The following DUSP3 variants were observed in gnomAD, a reference collection of about 807,000 sequenced individuals.
DUSP3 encodes dual specificity protein phosphatase 3.
Under a neutral mutation model 15.5 loss-of-function variants are expected in DUSP3, and 7 were observed. The observed-to-expected ratio is 0.45, with a 90% CI of 0.26 to 0.85. The LOEUF is 0.85. Ranked by LOEUF, DUSP3 falls within the 40% of genes least tolerant of loss-of-function variation. The probability of loss-of-function intolerance (pLI) is 0.18; values close to 1 mark genes in which losing one functional copy is unlikely to be tolerated. For missense variants in DUSP3, 209 were observed against 251.7 expected, an observed-to-expected ratio of 0.83 and a Z score of 1.15; for synonymous variants, 86 against 104.2, an observed-to-expected ratio of 0.83 and a Z score of 1.07.
chr17:43,773,294 G>C (rs964175564), intron 2 of DUSP3, among the ~76,000 whole-genome samples: 3 of 152,204 alleles, frequency 2.0e-5, no homozygotes, highest in African/African-American at 7.2e-5. Flanking sequence ...GGTCCCCTCC[G>C]CTGGGAGGGT....
chr17:43,773,134 T>C (rs1223064248), intron 2 of DUSP3, among the ~76,000 whole-genome samples: 1 of 152,196 alleles, frequency 6.6e-6, no homozygotes, highest in Non-Finnish European at 1.5e-5. Context: ...AGTCTGCAGA[T>C]ACTCCACAGT....
intron 1 of DUSP3, among the ~76,000 whole-genome samples, 191 bp from the exon 2 acceptor site, chr17:43,775,129 C>A (rs990481664): frequency 6.6e-6 from 1 of 152,224 alleles, no homozygotes; most frequent in African/African-American, 2.4e-5. Context: ...AGCAGCTTCC[C>A]CAAATAGACT....
At position 43,769,535 on chromosome 17, in the gene DUSP3, A is replaced by T; in HGVS notation, c.*74T>A. 2 of 1,559,630 alleles carry T rather than the reference A, an allele frequency of 1.3e-6. No homozygotes were observed. The highest frequency in any genetic ancestry group is 1.8e-6 in the Non-Finnish European group (2 of 1,140,628). ...GGGAGCAGGGTACAGTGTGTTTCCTAAACATGGCAGCTCGGGACACCTTTG... is the reference window on the plus strand; with the variant it reads ...GGGAGCAGGGTACAGTGTGTTTCCTTAACATGGCAGCTCGGGACACCTTTG... On this transcript the variant is annotated 3_prime_UTR_variant, in exon 3 of 3. Transcript: ENST00000226004.
chr17:43,773,201 T>A (rs1974340230), intron 2 of DUSP3, among the ~76,000 whole-genome samples: 1 of 152,226 alleles, frequency 6.6e-6, no homozygotes, highest in Non-Finnish European at 1.5e-5. Context: ...AAATTCTGTT[T>A]ACTGGAAATC....
Position 43,768,755 on chromosome 17 carries a change from G to A in DUSP3, c.*854C>T, listed in dbSNP as rs1260669273. On this transcript the variant is annotated 3_prime_UTR_variant, in exon 3 of 3. Transcript: ENST00000226004. Reference sequence around the variant, plus strand: ...ACAAAACCCTTGTAATTCTCCAAATGGTGGGGTTTTTAAATAGGTTGGACT... The same window carrying A: ...ACAAAACCCTTGTAATTCTCCAAATAGTGGGGTTTTTAAATAGGTTGGACT... 3.3e-5 allele frequency: 5 copies of A among 151,984 alleles called. No individual in the cohort carries two copies. In the East Asian group the frequency reaches 9.7e-4, roughly 29 times the overall value. 9.4% of individuals were successfully genotyped at this position (151,984 alleles called of 1,614,324 possible). A position where few individuals can be genotyped will look rare whatever the true frequency, so the allele number is the denominator to read the frequency against.
rs1239504171 is a variant in DUSP3, at chr17:43,769,226, G to A, written c.*383C>T. 1 of 238,372 alleles carries A rather than the reference G, an allele frequency of 4.2e-6. No individual in the cohort carries two copies. Among genetic ancestry groups the A allele is most frequent in the Non-Finnish European group, 8.2e-6 (1 of 122,028 alleles). The allele number at this position is 238,372 out of a possible 1,614,324, so 14.8% of individuals were successfully genotyped here. On this transcript the variant is annotated 3_prime_UTR_variant, in exon 3 of 3. Coordinates refer to ENST00000226004, the MANE Select transcript of DUSP3 (RefSeq NM_004090.4). ...GGTGTTGAGGTCCACACTCAAGAGA[G>A]GATTCGGGAGTTGGGGAAGGGAGGT...
At chr17:43,770,314 T>G (rs915852132) in intron 2 of DUSP3, among the ~76,000 whole-genome samples, 1 of 152,048 alleles carries the variant, frequency 6.6e-6, no homozygotes, top group South Asian at 2.1e-4. Context: ...ACATATGAGG[T>G]GGATGAGCCC....
chr17:43,778,941 T>A lies in DUSP3; in HGVS notation c.-17A>T. ...GCCCGACATGGCGGCGGCGGGGCCC[T>A]GCACGCCCGGCAGGAGCAAGCGAGG... is the stretch of plus-strand genomic sequence containing the variant. On this transcript the variant is annotated 5_prime_UTR_variant, in exon 1 of 3. Coordinates refer to ENST00000226004, the MANE Select transcript of DUSP3 (RefSeq NM_004090.4). The A allele has an allele frequency of 7.0e-7, 1 of 1,427,304 alleles. No homozygotes were observed. Among genetic ancestry groups the A allele is most frequent in the South Asian group, 1.4e-5 (1 of 71,306 alleles). 88.4% of individuals were successfully genotyped at this position (1,427,304 alleles called of 1,614,324 possible).
In DUSP3 at chr17:43,769,420, T is replaced by A. The variant is rs913168480; in HGVS notation, c.*189A>T. On this transcript the variant is annotated 3_prime_UTR_variant, in exon 3 of 3. Coordinates refer to ENST00000226004, the MANE Select transcript of DUSP3 (RefSeq NM_004090.4). ...CAACTGGGGAGCAAGGACGCCCCCC[T>A]TGGCAAGCTTCTTTATGTGCTCCCC... 1 of 613,386 alleles carries A rather than the reference T, an allele frequency of 1.6e-6. No homozygotes were observed. The highest frequency in any genetic ancestry group is 1.9e-5 in the African/African-American group (1 of 53,266). The allele number at this position is 613,386 out of a possible 1,614,324, so 38.0% of individuals were successfully genotyped here. A position where few individuals can be genotyped will look rare whatever the true frequency, so the allele number is the denominator to read the frequency against.
chr17:43,770,675 C>T (rs1292064293), intron 2 of DUSP3, among the ~76,000 whole-genome samples: 2 of 151,218 alleles, frequency 1.3e-5, no homozygotes, highest in Non-Finnish European at 2.9e-5. Context: ...AAAAAAGAAG[C>T]CCGCGTGGCA....
intron 1 of DUSP3, among the ~76,000 whole-genome samples, chr17:43,776,845 A>C (rs991941122): frequency 6.6e-6 from 1 of 152,188 alleles, no homozygotes; most frequent in Non-Finnish European, 1.5e-5. Context: ...GAGCTTTCCA[A>C]TTCCTGAAGC....
chr17:43,774,026 C>T (rs991539445), intron 2 of DUSP3: 14 of 200,942 alleles, frequency 7.0e-5, no homozygotes, highest in South Asian at 2.3e-4. Flanking sequence ...GCAGGAGAAT[C>T]GCTTGAACCT....
chr17:43,770,395 C>T (rs112333030), intron 2 of DUSP3, among the ~76,000 whole-genome samples: 7,643 of 152,234 alleles, frequency 0.05, 626 homozygotes, highest in African/African-American at 0.17. Flanking sequence ...CAGTGGCTCA[C>T]GCCTGTAATC....
At chr17:43,772,600 T>C (rs1283562225) in intron 2 of DUSP3, among the ~76,000 whole-genome samples, 1 of 152,192 alleles carries the variant, frequency 6.6e-6, no homozygotes, top group African/African-American at 2.4e-5. Flanking sequence ...CCAGCATGTT[T>C]CTGTTGACTC....
intron 1 of DUSP3, chr17:43,777,441 C>A: frequency 2.2e-6 from 1 of 452,330 alleles, no homozygotes; most frequent in Non-Finnish European, 4.4e-6. Flanking sequence ...CCTGATGGAC[C>A]CCTTCTAGTT....
In DUSP3 at chr17:43,778,862, G is replaced by A. The variant is rs1322095013; in HGVS notation, c.63C>T (p.Gly21=). Residue 21 remains glycine (G), a synonymous_variant, in exon 1 of 3, where the codon GGC becomes GGT. Transcript: ENST00000226004. ...AGGGCTGGCTCGGGAGGCTGTAGCA[G>A]CCGCTGCCGTCCGAGAGCAGGTCGT... The part of the protein sequence containing the change: ...DLNDLLSDGS[G]CYSLPSQPCN... The A allele has an allele frequency of 1.3e-6, 2 of 1,522,794 alleles. No individual in the cohort carries two copies. The highest frequency in any genetic ancestry group is 1.8e-6 in the Non-Finnish European group (2 of 1,136,466). The allele number at this position is 1,522,794 out of a possible 1,614,324, so 94.3% of individuals were successfully genotyped here. A position where few individuals can be genotyped will look rare whatever the true frequency, so the allele number is the denominator to read the frequency against.
In DUSP3 at chr17:43,769,808, AC is replaced by A; in HGVS notation, c.358del (p.Val120CysfsTer15). 6.2e-7 allele frequency: 1 copy of A among 1,614,026 alleles called. No homozygotes were observed. Among genetic ancestry groups the A allele is most frequent in the Non-Finnish European group, 8.5e-7 (1 of 1,179,994 alleles). On this transcript the variant is annotated frameshift_variant, in exon 3 of 3. Transcript: ENST00000226004. LOFTEE classifies it high-confidence loss of function. ...DQALAQKNGR[V>X]LVHCREGYSR... ...ATAACCTTCCCGGCAGTGGACGAGC[AC>A]CCGGCCTGTAAGAAACAGGGGAGAC...
rs1974273514 is a variant in DUSP3 at position 43,768,803 on chromosome 17, AG to A, written c.*805del. ...ACTTCAACTCCCTGTTTTCTAAAAAAGAAAAAAAAAAAAGCATGCCCAAGGC... is the reference window on the plus strand; with the variant it reads ...ACTTCAACTCCCTGTTTTCTAAAAAAAAAAAAAAAAAAGCATGCCCAAGGC... On this transcript the variant is annotated 3_prime_UTR_variant, in exon 3 of 3. Coordinates refer to ENST00000226004, the MANE Select transcript of DUSP3 (RefSeq NM_004090.4). 2 of 151,900 alleles carry A rather than the reference AG, an allele frequency of 1.3e-5. No individual in the cohort carries two copies. The highest frequency in any genetic ancestry group is 6.5e-5 in the Admixed American group (1 of 15,270). The allele number at this position is 151,900 out of a possible 1,614,324, so 9.4% of individuals were successfully genotyped here.
Position 43,769,458 on chromosome 17 carries a change from G to A in DUSP3, c.*151C>T. 1.2e-6 allele frequency: 1 copy of A among 855,152 alleles called. No individual in the cohort carries two copies. The highest frequency in any genetic ancestry group is 1.7e-6 in the Non-Finnish European group (1 of 575,998). 53.0% of individuals were successfully genotyped at this position (855,152 alleles called of 1,614,324 possible). ...TTATGTGCTCCCCAGGGTGGGGAAA[G>A]TGGCCCAGGACTGTGTTGGGACACA... On this transcript the variant is annotated 3_prime_UTR_variant, in exon 3 of 3. Transcript: ENST00000226004.
Sources: gnomAD v4.1 joint callset for allele counts (sites outside exome capture counted in the v4.1 genomes callset) on GRCh38, gnomAD v4.1.1 for gene constraint, MANE v1.5 for transcripts, NCBI Gene and HGNC (gene_info 2026-07-23, HGNC 2026-07-21) for gene names.